Variants in ARHGEF33 observed in about 807,000 individuals in gnomAD.
ARHGEF33 encodes DH and coiled-coil domain-containing protein ENSP00000381780.
In ARHGEF33, 72 loss-of-function variants were observed where a neutral mutation model predicts 101.9. That is an observed-to-expected ratio of 0.71 (90% CI 0.58 to 0.86). The LOEUF is 0.86. ARHGEF33 is among the 40% of genes least tolerant of loss of function. The pLI is 0.00. For synonymous variants in ARHGEF33, 499 were observed against 442.5 expected (o/e 1.13, Z -1.60); for missense variants, 1,169 against 1,111.3 (o/e 1.05, Z -0.74).
chr2:38,938,521 A>G (rs1333453817), intron 9 of ARHGEF33, among the ~76,000 whole-genome samples: 1 of 152,260 alleles, frequency 6.6e-6, no homozygotes, highest in African/African-American at 2.4e-5. Flanking sequence ...CCTAGGCAAC[A>G]GAACAAGACC....
At chr2:38,959,097 A>C (rs1376966442) in intron 15 of ARHGEF33, among the ~76,000 whole-genome samples, 1 of 152,232 alleles carries the variant, frequency 6.6e-6, no homozygotes, top group African/African-American at 2.4e-5. Flanking sequence ...TACATCTGTC[A>C]ATTTAAGTCC....
Position 38,959,854 on chromosome 2 carries a change from C to T in ARHGEF33, c.1549C>T (p.Pro517Ser), listed in dbSNP as rs1667868052. The T allele has an allele frequency of 2.6e-6, 4 of 1,549,050 alleles. No individual in the cohort carries two copies. In the Middle Eastern group the frequency reaches 5.1e-4, roughly 196 times the overall value. The stretch of plus-strand genomic sequence containing the variant: ...TTCCCCCTAAAGACATCTGATGCCC[C>T]CAGTGAAGAAAAGCCAACAGCAGCA... ...SGPAITHLMP[P>S]VKKSQQQQSL... is the part of the protein sequence containing the mutation. The change falls in exon 16 of 18, where the codon CCA becomes TCA. Residue 517 changes from proline (P) to serine (S), a missense_variant. Coordinates refer to ENST00000409978, the MANE Select transcript of ARHGEF33 (RefSeq NM_001145451.5).
intron 16 of ARHGEF33, among the ~76,000 whole-genome samples, chr2:38,965,004 G>C (rs1668022650): frequency 6.6e-6 from 1 of 151,598 alleles, no homozygotes; most frequent in Admixed American, 6.6e-5. Flanking sequence ...GAGAATTTCT[G>C]TATCTGCAAC....
intron 17 of ARHGEF33, among the ~76,000 whole-genome samples, chr2:38,968,307 TGG>T (rs1668095787): frequency 6.6e-6 from 1 of 151,960 alleles, no homozygotes; most frequent in African/African-American, 2.4e-5. Flanking sequence ...CTGCATGGAG[TGG>T]GAGATTGTTT....
intron 10 of ARHGEF33, among the ~76,000 whole-genome samples, chr2:38,949,197 T>G (rs1181934619): frequency 6.6e-6 from 1 of 152,188 alleles, no homozygotes; most frequent in Non-Finnish European, 1.5e-5. Flanking sequence ...CAACAAAGGT[T>G]TGCTTGTTGG....
In ARHGEF33 at chr2:38,889,895, T is replaced by C; in HGVS notation, c.-250T>C. ...GTCTCGTTTCAGGGGAAGTCAAGCC[T>C]CTCTACTGCTTCTTTTTATAACCTT... On this transcript the variant is annotated 5_prime_UTR_variant, in exon 1 of 18. Transcript: ENST00000409978. 1 of 471,060 alleles carries C rather than the reference T, an allele frequency of 2.1e-6. No homozygotes were observed. The highest frequency in any genetic ancestry group is 4.4e-6 in the Non-Finnish European group (1 of 226,976). 29.2% of individuals were successfully genotyped at this position (471,060 alleles called of 1,614,324 possible).
At chr2:38,906,153 C>T (rs1001405254) in intron 2 of ARHGEF33, among the ~76,000 whole-genome samples, 1 of 146,910 alleles carries the variant, frequency 6.8e-6, no homozygotes, top group African/African-American at 2.6e-5. Flanking sequence ...TGTGCCACCG[C>T]ACTCCAGCCT....
intron 2 of ARHGEF33, among the ~76,000 whole-genome samples, chr2:38,910,955 A>C (rs1158069900): frequency 6.6e-6 from 1 of 152,210 alleles, no homozygotes. Context: ...TTCCAGTGTA[A>C]CTTTGGGCAA....
At chr2:38,903,412 G>T (rs1666294431) in intron 2 of ARHGEF33, among the ~76,000 whole-genome samples, 1 of 115,080 alleles carries the variant, frequency 8.7e-6, no homozygotes, top group Non-Finnish European at 2.0e-5. Context: ...TCTTCAAAGG[G>T]ATGGATTTTT....
intron 7 of ARHGEF33, among the ~76,000 whole-genome samples, chr2:38,934,370 T>C (rs1392161109): frequency 6.6e-6 from 1 of 152,170 alleles, no homozygotes; most frequent in Non-Finnish European, 1.5e-5. Flanking sequence ...TTCAGACTTA[T>C]ATTTTGTTAC....
chr2:38,958,978 C>T (rs1667844670), intron 15 of ARHGEF33, among the ~76,000 whole-genome samples: 1 of 152,228 alleles, frequency 6.6e-6, no homozygotes, highest in Non-Finnish European at 1.5e-5. Context: ...CTCCTGACCT[C>T]AGGCGATCCG....
intron 11 of ARHGEF33, 145 bp from the exon 12 acceptor site, chr2:38,953,017 G>C (rs1667650858): frequency 1.7e-6 from 1 of 588,306 alleles, no homozygotes; most frequent in African/African-American, 1.9e-5. Flanking sequence ...ATTCTTTAAA[G>C]CCTCAAAATA....
Position 38,959,919 on chromosome 2 carries a change from C to G in ARHGEF33, c.1614C>G (p.Asp538Glu). The change falls in exon 16 of 18, where the codon GAC becomes GAG. Residue 538 changes from aspartate (D) to glutamate (E), a missense_variant. By Grantham distance (45) the Asp-to-Glu change is conservative. Coordinates refer to ENST00000409978, the MANE Select transcript of ARHGEF33 (RefSeq NM_001145451.5). ...MESMQPGKPSDWELEGRKHER... is the reference protein window; with the variant it reads ...MESMQPGKPSEWELEGRKHER... ...GCATGCAGCCCGGGAAGCCCAGTGA[C>G]TGGGAGCTGGAGGGCAGGAAGCACG... 6.4e-7 allele frequency: 1 copy of G among 1,551,860 alleles called. No individual in the cohort carries two copies. The highest frequency in any genetic ancestry group is 2.4e-5 in the East Asian group (1 of 40,898).
At chr2:38,943,804 TGC>T in intron 9 of ARHGEF33, 95 bp from the exon 10 acceptor site, 1 of 1,272,598 alleles carries the variant, frequency 7.9e-7, no homozygotes, top group Non-Finnish European at 1.1e-6. Flanking sequence ...TTTTTTTTAT[TGC>T]TTTCAATATC....
rs79139363 is a variant in ARHGEF33, at chr2:38,890,290, G to C, written c.-159+304G>C. Among the ~76,000 whole-genome samples, 1,018 of 152,278 alleles carry C rather than the reference G, an allele frequency of 6.7e-3. 15 individuals are homozygous for C. The highest frequency in any genetic ancestry group is 0.034 in the Middle Eastern group (10 of 294). ...TATAGTTGAAGATGAGTTAAATTTT[G>C]AGAGCAGTCTTAAAGAAAGGATGCT... On this transcript the variant is annotated intron_variant, in intron 1 of 17. Transcript: ENST00000409978.
At chr2:38,903,765 T>C (rs1666301706) in intron 2 of ARHGEF33, among the ~76,000 whole-genome samples, 1 of 152,252 alleles carries the variant, frequency 6.6e-6, no homozygotes, top group Non-Finnish European at 1.5e-5. Context: ...CTAAATCCTT[T>C]TGTTCTACTC....
rs185974255 is a variant in ARHGEF33 at position 38,966,664 on chromosome 2, T to C, written c.2483+519T>C. Among the ~76,000 whole-genome samples, 288 of 152,326 alleles carry C rather than the reference T, an allele frequency of 1.9e-3. 1 individual carries two copies. Among genetic ancestry groups the C allele is most frequent in the Non-Finnish European group, 3.2e-3 (221 of 68,018 alleles). ...TGAGTGGATTTGGCTTGGCCCTAGTTAGAAATCACTTTAATGGAGTTTCTG... is the reference window on the plus strand; with the variant it reads ...TGAGTGGATTTGGCTTGGCCCTAGTCAGAAATCACTTTAATGGAGTTTCTG... On this transcript the variant is annotated intron_variant, in intron 17 of 17. Coordinates refer to ENST00000409978, the MANE Select transcript of ARHGEF33 (RefSeq NM_001145451.5).
At chr2:38,956,860 C>T in intron 13 of ARHGEF33, 39 bp from the exon 14 acceptor site, 13 of 1,543,590 alleles carry the variant, frequency 8.4e-6, no homozygotes, top group Non-Finnish European at 1.1e-5. Flanking sequence ...AATTTTCATG[C>T]TGATTATGCA....
chr2:38,889,956 A>T lies in ARHGEF33; in HGVS notation c.-189A>T, dbSNP rs775718394. 2.1e-6 allele frequency: 1 copy of T among 470,764 alleles called. No homozygotes were observed. Among genetic ancestry groups the T allele is most frequent in the South Asian group, 1.6e-5 (1 of 64,510 alleles). The allele number at this position is 470,764 out of a possible 1,614,324, so 29.2% of individuals were successfully genotyped here. On this transcript the variant is annotated 5_prime_UTR_variant, in exon 1 of 18. Coordinates refer to ENST00000409978, the MANE Select transcript of ARHGEF33 (RefSeq NM_001145451.5). ...CAGAACCCAGATAAGCCTTGATCTG[A>T]GGATGATATAACCACCGCAGGCAAC... is the stretch of plus-strand genomic sequence containing the variant.
Sources: allele counts gnomAD v4.1 joint callset (sites outside exome capture counted in the v4.1 genomes callset), GRCh38; gene constraint gnomAD v4.1.1; transcripts MANE v1.5; gene names NCBI Gene and HGNC (gene_info 2026-07-23, HGNC 2026-07-21).